PITPNM2: variants seen among roughly 807,000 people sequenced by gnomAD.
PITPNM2 encodes the protein membrane-associated phosphatidylinositol transfer protein 2.
Under a neutral mutation model 132.2 loss-of-function variants are expected in PITPNM2, and 35 were observed. The observed-to-expected ratio is 0.26, with a 90% CI of 0.20 to 0.35. The LOEUF (loss-of-function observed/expected upper bound fraction) is 0.35. PITPNM2 is among the 10% of genes least tolerant of loss of function. PITPNM2 has a pLI of 1.00. For synonymous variants in PITPNM2, 738 were observed against 799.2 expected, an observed-to-expected ratio of 0.92 and a Z score of 1.29; for missense variants, 1,332 against 1,912.0, an observed-to-expected ratio of 0.70 and a Z score of 5.66.
chr12:123,069,648 C>T (rs1221360332), intron 2 of PITPNM2, among the ~76,000 whole-genome samples: 2 of 152,166 alleles, frequency 1.3e-5, no homozygotes, highest in African/African-American at 4.8e-5. Context: ...CCCCGGGCAC[C>T]TTGCGCCCAC....
intron 1 of PITPNM2, among the ~76,000 whole-genome samples, chr12:123,146,412 T>C (rs932332177): frequency 6.6e-6 from 1 of 151,936 alleles, no homozygotes; most frequent in African/African-American, 2.4e-5. Context: ...CTGGCCAACA[T>C]GGCAAAACCC....
chr12:123,013,730 T>G, intron 4 of PITPNM2, 98 bp downstream of exon 4: 1 of 1,359,868 alleles, frequency 7.4e-7, no homozygotes, highest in Non-Finnish European at 1.0e-6. Context: ...TGAACCTGCT[T>G]GAAGGCTGAT....
At chr12:122,988,043 G>T in intron 20 of PITPNM2, 142 bp from the exon 21 acceptor site, 1 of 940,202 alleles carries the variant, frequency 1.1e-6, no homozygotes, top group East Asian at 2.4e-5. Flanking sequence ...CAGACACGAT[G>T]ACGTGGCTTT....
At chr12:123,017,078 A>G (rs2039456951) in intron 3 of PITPNM2, among the ~76,000 whole-genome samples, 1 of 150,292 alleles carries the variant, frequency 6.7e-6, no homozygotes, top group South Asian at 2.1e-4. Flanking sequence ...AGAAAAGATA[A>G]TAGTTTAGCA....
intron 2 of PITPNM2, among the ~76,000 whole-genome samples, chr12:123,068,902 T>C (rs1340692796): frequency 6.6e-6 from 1 of 152,204 alleles, no homozygotes; most frequent in East Asian, 1.9e-4. Context: ...CCAGCTTTTC[T>C]CAAACTGAAG....
At position 123,099,235 on chromosome 12, in the gene PITPNM2, GA is replaced by G. The variant is rs34169662; in HGVS notation, c.-96+11149del. On this transcript the variant is annotated intron_variant, in intron 2 of 25. Transcript: ENST00000320201. The surrounding 1 kb of genome is among the most constrained non-coding windows in gnomAD (Gnocchi z 4.2). Reference sequence around the variant, plus strand: ...CTCACCCAGAACTGTCGATTTTGCTGAAAAAAAAAATATATATCTTTTTTTT... The same window carrying G: ...CTCACCCAGAACTGTCGATTTTGCTGAAAAAAAAATATATATCTTTTTTTT... Among the ~76,000 whole-genome samples, 158 of 148,944 alleles carry G rather than the reference GA, an allele frequency of 1.1e-3. 1 individual carries two copies. Among genetic ancestry groups the G allele is most frequent in the Admixed American group, 5.5e-3 (83 of 14,964 alleles).
intron 1 of PITPNM2, among the ~76,000 whole-genome samples, chr12:123,149,423 C>T (rs1201024882): frequency 6.6e-6 from 1 of 152,168 alleles, no homozygotes; most frequent in African/African-American, 2.4e-5. Context: ...GAAGTCCATT[C>T]CAACCACAGA....
At chr12:123,118,480 A>G (rs189066209) in intron 1 of PITPNM2, among the ~76,000 whole-genome samples, 6 of 152,382 alleles carry the variant, frequency 3.9e-5, no homozygotes, top group Admixed American at 3.9e-4. Flanking sequence ...AAATGAGTAA[A>G]ATCTTAGCTG....
At chr12:123,087,054 G>A (rs1328465583) in intron 2 of PITPNM2, among the ~76,000 whole-genome samples, 2 of 152,182 alleles carry the variant, frequency 1.3e-5, no homozygotes, top group Admixed American at 6.5e-5. Flanking sequence ...GTATCTCCAT[G>A]TTCTGGCTTA....
chr12:123,021,705 G>C, intron 3 of PITPNM2: 1 of 985,224 alleles, frequency 1.0e-6, no homozygotes, highest in Non-Finnish European at 1.2e-6. Flanking sequence ...GTCCAAGAGG[G>C]GCTCCCTCTC....
intron 17 of PITPNM2, 46 bp from the exon 18 acceptor site, chr12:122,989,994 G>T: frequency 1.6e-6 from 2 of 1,277,538 alleles, no homozygotes; most frequent in Non-Finnish European, 1.0e-6. Context: ...GGGGATGACC[G>T]CACTGCCACG....
chr12:123,112,539 T>C (rs1467398052), intron 1 of PITPNM2, among the ~76,000 whole-genome samples: 1 of 131,128 alleles, frequency 7.6e-6, no homozygotes, highest in Non-Finnish European at 1.7e-5. Flanking sequence ...TTCAATATAC[T>C]TTTTTTTTTT....
chr12:123,092,097 G>A (rs1018700405), intron 2 of PITPNM2: 5 of 152,242 alleles, frequency 3.3e-5, no homozygotes, highest in Admixed American at 6.5e-5. Flanking sequence ...CCCAAAGAGC[G>A]TTCTGCACCT....
In PITPNM2 at chr12:123,005,546, G is replaced by C; in HGVS notation, c.646C>G (p.Leu216Val). Reference sequence around the variant, plus strand: ...TGAGCCCGCACCATCACCCTCCGTAGTCCTGTGCCCCATGGGGATCAGAGA... The same window carrying C: ...TGAGCCCGCACCATCACCCTCCGTACTCCTGTGCCCCATGGGGATCAGAGA... ...KIERFIHDTG[L>V]RRVMVRAHRQ... Residue 216 changes from leucine to valine, a missense_variant and splice_region_variant, in exon 7 of 26, where the codon CTA becomes GTA. Leu to Val is a conservative substitution (Grantham distance 32). This residue lies in a region of PITPNM2 where 122 missense variants were observed against 209.6 expected (regional missense o/e 0.58). Coordinates refer to ENST00000320201, the MANE Select transcript of PITPNM2 (RefSeq NM_020845.3). This position sits in a 1 kb window ranked among gnomAD's most constrained non-coding sequence, Gnocchi z 6.2. 1.2e-6 allele frequency: 2 copies of C among 1,612,500 alleles called. No individual in the cohort carries two copies. The highest frequency in any genetic ancestry group is 1.7e-6 in the Non-Finnish European group (2 of 1,179,436).
chr12:123,065,422 G>A (rs868352218), intron 2 of PITPNM2, among the ~76,000 whole-genome samples: 5 of 152,222 alleles, frequency 3.3e-5, no homozygotes, highest in African/African-American at 7.2e-5. Flanking sequence ...CACTGGAGAC[G>A]GAGTCAATGG....
At chr12:123,011,369 C>T (rs902535675) in intron 5 of PITPNM2, among the ~76,000 whole-genome samples, 4 of 152,144 alleles carry the variant, frequency 2.6e-5, no homozygotes, top group Admixed American at 6.5e-5. Context: ...ATATGCCCTG[C>T]CCATGTGAGC....
At chr12:123,135,096 G>C (rs1349217449) in intron 1 of PITPNM2, among the ~76,000 whole-genome samples, 6 of 152,102 alleles carry the variant, frequency 3.9e-5, no homozygotes, top group African/African-American at 1.4e-4. Flanking sequence ...GTGTCAGCTG[G>C]AAACGCCCCA....
chr12:123,065,665 A>G (rs1350225102), intron 2 of PITPNM2, among the ~76,000 whole-genome samples: 2 of 152,222 alleles, frequency 1.3e-5, no homozygotes, highest in African/African-American at 2.4e-5. Context: ...ATTTTAAATG[A>G]TTAATTGTAT....
chr12:123,086,416 A>G (rs1032367139), intron 2 of PITPNM2, among the ~76,000 whole-genome samples: 1 of 152,232 alleles, frequency 6.6e-6, no homozygotes, highest in Non-Finnish European at 1.5e-5. Context: ...AGTGTTTAGC[A>G]TATGGCTGGG....
Sources: gnomAD v4.1 joint callset for allele counts (sites outside exome capture counted in the v4.1 genomes callset) on GRCh38, gnomAD v4.1.1 for gene constraint, gnomAD v4.1.1 regional missense constraint, Gnocchi (gnomAD v3.1) non-coding constraint, MANE v1.5 for transcripts, NCBI Gene and HGNC (gene_info 2026-07-23, HGNC 2026-07-21) for gene names.